AURKAIP1: variants seen among roughly 807,000 people sequenced by gnomAD.
AURKAIP1 encodes small ribosomal subunit protein bS22, mitochondrial.
In AURKAIP1, 20 loss-of-function variants were observed where a neutral mutation model predicts 18.4. The observed-to-expected ratio is 1.09, with a 90% CI of 0.77 to 1.58. AURKAIP1 has a LOEUF of 1.58. Among genes scored for constraint, AURKAIP1 ranks in the 40% most tolerant of loss-of-function variants. The pLI is 0.00. For missense variants in AURKAIP1, 319 were observed against 270.7 expected (o/e 1.18, Z -1.25); for synonymous variants, 156 against 120.8 (o/e 1.29, Z -1.91).
In AURKAIP1 at chr1:1,373,792, G is replaced by A. The variant is rs777921235; in HGVS notation, c.*9C>T. ...ACAGCAGCAACGGGCGGGAAGGGCG[G>A]CGCCAGACTCATTTGCCCCGCAGGT... On this transcript the variant is annotated 3_prime_UTR_variant, in exon 4 of 4. Transcript: ENST00000338338. The A allele has an allele frequency of 4.4e-6, 7 of 1,595,738 alleles. No homozygotes were observed. The East Asian group carries it at 1.3e-4, about 30-fold the overall frequency.
chr1:1,374,267 C>T lies in AURKAIP1; in HGVS notation c.231G>A (p.Trp77Ter). 1.2e-6 allele frequency: 2 copies of T among 1,604,936 alleles called. No individual in the cohort carries two copies. The highest frequency in any genetic ancestry group is 8.5e-7 in the Non-Finnish European group (1 of 1,177,160). ...RKMSVSPLESWLTARCFLPRL... is the reference protein window; with the variant it reads ...RKMSVSPLES ...TGGGCAGGAAGCAGCGGGCCGTGAG[C>T]CAGCTCTCCAGGGGGCTGACGGACA... The change falls in exon 3 of 4, where the codon TGG becomes TGA. Residue 77 changes from tryptophan to a stop codon, truncating the protein, a stop_gained. Transcript: ENST00000338338. LOFTEE classifies it high-confidence loss of function.
rs1231843531 is a variant in AURKAIP1 at position 1,374,069 on chromosome 1, G to A, written c.429C>T (p.Tyr143=). ...ACCGCGTCTTCTTCACCAGCTTCCG[G>A]TACTTGTGGTGGTTCATCTTCCGCC... ...IRRRKMNHHK[Y]RKLVKKTRFL... is the part of the protein sequence containing the mutation. The change falls in exon 3 of 4, where the codon TAC becomes TAT. Residue 143 remains tyrosine (Y), a synonymous_variant. Transcript: ENST00000338338. 1 of 1,609,690 alleles carries A rather than the reference G, an allele frequency of 6.2e-7. No individual in the cohort carries two copies.
intron 1 of AURKAIP1, 137 bp from the exon 2 acceptor site, chr1:1,374,927 T>C: frequency 1.7e-6 from 1 of 602,880 alleles, no homozygotes; most frequent in Non-Finnish European, 2.8e-6. Flanking sequence ...AGGAGGACTT[T>C]GCTTCCAACA....
chr1:1,374,186 C>A lies in AURKAIP1; in HGVS notation c.312G>T (p.Pro104=). The change falls in exon 3 of 4, where the codon CCG becomes CCT. Residue 104 remains proline (P), a synonymous_variant. Transcript: ENST00000338338. ...CGGCCCCTTCCCCTATCTGGCTGGG[C>A]GGACACTGGTAGGATTGCGGTGGAG... ...TVAPPQSYQC[P]PSQIGEGAEQ... 1.2e-6 allele frequency: 2 copies of A among 1,613,748 alleles called. No homozygotes were observed. The highest frequency in any genetic ancestry group is 8.5e-7 in the Non-Finnish European group (1 of 1,180,032).
In AURKAIP1 at chr1:1,374,156, C is replaced by G. The variant is rs767157865; in HGVS notation, c.342G>C (p.Gln114His). 7.4e-6 allele frequency: 12 copies of G among 1,613,886 alleles called. No individual in the cohort carries two copies. The highest frequency in any genetic ancestry group is 8.5e-6 in the Non-Finnish European group (10 of 1,180,050). ...PPSQIGEGAEQGDEGVADAPQ... is the reference protein window; with the variant it reads ...PPSQIGEGAEHGDEGVADAPQ... The stretch of plus-strand genomic sequence containing the variant: ...GCGCATCCGCGACGCCTTCATCCCC[C>G]TGCTCGGCCCCTTCCCCTATCTGGC... Residue 114 changes from glutamine to histidine, a missense_variant, in exon 3 of 4, where the codon CAG becomes CAC. Transcript: ENST00000338338.
At chr1:1,374,563 C>G (rs1291606050) in intron 2 of AURKAIP1, 118 bp from the exon 3 acceptor site, 2 of 1,369,386 alleles carry the variant, frequency 1.5e-6, no homozygotes, top group Middle Eastern at 1.8e-4. Context: ...GCCTGAACCC[C>G]TGAGGTTCCC....
At position 1,374,190 on chromosome 1, in the gene AURKAIP1, C is replaced by T. The variant is rs1418987328; in HGVS notation, c.308G>A (p.Cys103Tyr). The change falls in exon 3 of 4, where the codon TGT (cysteine) becomes TAT (tyrosine). Residue 103 changes from cysteine (C) to tyrosine (Y), a missense_variant. Transcript: ENST00000338338. Reference sequence around the variant, plus strand: ...CCCTTCCCCTATCTGGCTGGGCGGACACTGGTAGGATTGCGGTGGAGCCAC... The same window carrying T: ...CCCTTCCCCTATCTGGCTGGGCGGATACTGGTAGGATTGCGGTGGAGCCAC... ...GTVAPPQSYQ[C>Y]PPSQIGEGAE... is the part of the protein sequence containing the mutation. The T allele has an allele frequency of 6.2e-7, 1 of 1,613,786 alleles. No homozygotes were observed.
chr1:1,374,309 C>G lies in AURKAIP1; in HGVS notation c.189G>C (p.Met63Ile), dbSNP rs1644325757. 4 of 1,585,476 alleles carry G rather than the reference C, an allele frequency of 2.5e-6. No homozygotes were observed. In the South Asian group the frequency reaches 4.5e-5, roughly 18 times the overall value. ...RKGAQLELEE[M>I]LVPRKMSVSP... ...TGACGGACATCTTCCTGGGGACCAG[C>G]ATCTCCTCCAGCTCCAGCTGGGCCC... Residue 63 changes from methionine (M) to isoleucine (I), a missense_variant, in exon 3 of 4, where the codon ATG (methionine) becomes ATC (isoleucine). Met to Ile is a conservative substitution (Grantham distance 10). Transcript: ENST00000338338.
At position 1,374,262 on chromosome 1, in the gene AURKAIP1, G is replaced by T. The variant is rs377520465; in HGVS notation, c.236C>A (p.Thr79Lys). ...MSVSPLESWLTARCFLPRLDT... is the reference protein window; with the variant it reads ...MSVSPLESWLKARCFLPRLDT... ...CAGTCTGGGCAGGAAGCAGCGGGCC[G>T]TGAGCCAGCTCTCCAGGGGGCTGAC... Residue 79 changes from threonine (T) to lysine (K), a missense_variant, in exon 3 of 4, where the codon ACG (threonine) becomes AAG (lysine). Thr to Lys is a moderately conservative substitution (Grantham distance 78). Transcript: ENST00000338338. 1.2e-6 allele frequency: 2 copies of T among 1,606,268 alleles called. No homozygotes were observed. The highest frequency in any genetic ancestry group is 4.5e-5 in the East Asian group (2 of 44,796).
rs1390170293 is a variant in AURKAIP1 at position 1,374,663 on chromosome 1, C to T, written c.52+42G>A. 3.2e-6 allele frequency: 5 copies of T among 1,541,392 alleles called. No individual in the cohort carries two copies. The African/African-American group carries it at 6.9e-5, about 21-fold the overall frequency. ...GAGCTGCTGAGACCCGCACTCCTAA[C>T]CAGGTGTGCATCCTCCCATCCGCCC... On this transcript the variant is annotated intron_variant, in intron 2 of 3. Coordinates refer to ENST00000338338, the MANE Select transcript of AURKAIP1 (RefSeq NM_017900.3).
Position 1,373,798 on chromosome 1 carries a change from G to T in AURKAIP1, c.*3C>A. ...GCAACGGGCGGGAAGGGCGGCGCCA[G>T]ACTCATTTGCCCCGCAGGTAGATCT... On this transcript the variant is annotated 3_prime_UTR_variant, in exon 4 of 4. Transcript: ENST00000338338. The T allele has an allele frequency of 6.3e-7, 1 of 1,597,324 alleles. No individual in the cohort carries two copies. Among genetic ancestry groups the T allele is most frequent in the South Asian group, 1.1e-5 (1 of 90,950 alleles).
rs535641485 is a variant in AURKAIP1 at position 1,374,008 on chromosome 1, G to C, written c.490C>G (p.Arg164Gly). The change falls in exon 3 of 4, where the codon CGC becomes GGC. Residue 164 changes from arginine to glycine, a missense_variant. Physicochemically the swap from Arg to Gly is moderately radical, Grantham distance 125. Coordinates refer to ENST00000338338, the MANE Select transcript of AURKAIP1 (RefSeq NM_017900.3). The part of the protein sequence containing the change: ...RRKVQEGRLR[R>G]KQIKFEKDLR... ...AGCAGGGGGCCACTCACCTGCTTGCGTCTCAGGCGTCCCTCCTGGACCTTC... is the reference window on the plus strand; with the variant it reads ...AGCAGGGGGCCACTCACCTGCTTGCCTCTCAGGCGTCCCTCCTGGACCTTC... 34 of 1,608,160 alleles carry C rather than the reference G, an allele frequency of 2.1e-5. No individual in the cohort carries two copies. The Middle Eastern group carries it at 6.6e-4, about 31-fold the overall frequency.
rs1198036717 is a variant in AURKAIP1 at position 1,373,770 on chromosome 1, GCAGCAA to G, written c.*25_*30del. ...TGAGAATTTATTACTACGGATCACA[GCAGCAA>G]CGGGCGGGAAGGGCGGCGCCAGACT... On this transcript the variant is annotated 3_prime_UTR_variant, in exon 4 of 4. Transcript: ENST00000338338. 2 of 1,571,218 alleles carry G rather than the reference GCAGCAA, an allele frequency of 1.3e-6. No individual in the cohort carries two copies. Among genetic ancestry groups the G allele is most frequent in the South Asian group, 2.2e-5 (2 of 90,190 alleles).
In AURKAIP1 at chr1:1,374,783, C is replaced by G; in HGVS notation, c.-27G>C. The G allele has an allele frequency of 6.5e-7, 1 of 1,550,102 alleles. No homozygotes were observed. The highest frequency in any genetic ancestry group is 2.4e-5 in the East Asian group (1 of 40,820). ...GTCTGTGGGCGGCGGCCACAGGTCC[C>G]AGGGGAGCTGGAACACAAGTGCCCG... On this transcript the variant is annotated 5_prime_UTR_variant, in exon 2 of 4. Transcript: ENST00000338338.
Position 1,374,386 on chromosome 1 carries a change from A to T in AURKAIP1, c.112T>A (p.Tyr38Asn). Residue 38 changes from tyrosine to asparagine, a missense_variant, in exon 3 of 4, where the codon TAC becomes AAC. Transcript: ENST00000338338. Reference sequence around the variant, plus strand: ...CCTGGGCCGGCCGGCGATGTGCTGTAAAGGGGCCCGCAGACCCGGCTGCCC... The same window carrying T: ...CCTGGGCCGGCCGGCGATGTGCTGTTAAGGGGCCCGCAGACCCGGCTGCCC... ...VLGSRVCGPL[Y>N]STSPAGPGRA... The T allele has an allele frequency of 2.0e-6, 3 of 1,490,584 alleles. No individual in the cohort carries two copies. The highest frequency in any genetic ancestry group is 2.7e-6 in the Non-Finnish European group (3 of 1,126,602). The allele number at this position is 1,490,584 out of a possible 1,614,324, so 92.3% of individuals were successfully genotyped here.
rs570806773 is a variant in AURKAIP1 at position 1,373,913 on chromosome 1, C to G, written c.499-11G>C. 1.1e-5 allele frequency: 17 copies of G among 1,609,096 alleles called. No homozygotes were observed. Among genetic ancestry groups the G allele is most frequent in the Admixed American group, 5.0e-5 (3 of 60,004 alleles). ...TTTCTCGAACTTGATCTGCAAGACG[C>G]AGAGAGAGGGACCGCCAAGTAATTC... On this transcript the variant is annotated splice_polypyrimidine_tract_variant and intron_variant, in intron 3 of 3. Coordinates refer to ENST00000338338, the MANE Select transcript of AURKAIP1 (RefSeq NM_017900.3).
At position 1,374,444 on chromosome 1, in the gene AURKAIP1, G is replaced by A. The variant is rs1352306769; in HGVS notation, c.54C>T (p.Gly18=). 4 of 1,444,372 alleles carry A rather than the reference G, an allele frequency of 2.8e-6. No homozygotes were observed. The East Asian group carries it at 9.9e-5, about 36-fold the overall frequency. 89.5% of individuals were successfully genotyped at this position (1,444,372 alleles called of 1,614,324 possible). A position where few individuals can be genotyped will look rare whatever the true frequency, so the allele number is the denominator to read the frequency against. Residue 18 remains glycine, a splice_region_variant and synonymous_variant, in exon 3 of 4, where the codon GGC becomes GGT. Transcript: ENST00000338338. ...CAGAGACGGGCCAAGGCGGGCGGCCGCCTGCAGAAAACCAGACGCCACGGT... is the reference window on the plus strand; with the variant it reads ...CAGAGACGGGCCAAGGCGGGCGGCCACCTGCAGAAAACCAGACGCCACGGT... The part of the protein sequence containing the change: ...SQLLRAVPWA[G]GRPPWPVSGV...
chr1:1,373,823 T>G lies in AURKAIP1; in HGVS notation c.578A>C (p.Lys193Thr). ...KEAPEGWQTP[K>T]IYLRGK is the part of the protein sequence containing the mutation. ...GACTCATTTGCCCCGCAGGTAGATC[T>G]TGGGGGTCTGCCAGCCTTCGGGGGC... The change falls in exon 4 of 4, where the codon AAG becomes ACG. Residue 193 changes from lysine to threonine, a missense_variant. Lys to Thr is a moderately conservative substitution (Grantham distance 78, BLOSUM62 -1). Coordinates refer to ENST00000338338, the MANE Select transcript of AURKAIP1 (RefSeq NM_017900.3). The G allele has an allele frequency of 6.2e-7, 1 of 1,601,974 alleles. No individual in the cohort carries two copies. Among genetic ancestry groups the G allele is most frequent in the East Asian group, 2.2e-5 (1 of 44,882 alleles).
intron 1 of AURKAIP1, 132 bp downstream of exon 1, chr1:1,375,022 G>A (rs1644335224): frequency 7.2e-6 from 3 of 418,210 alleles, no homozygotes; most frequent in East Asian, 4.6e-5. Flanking sequence ...CGGGGAGGCC[G>A]GCCCCCTCCC....
Sources: allele counts gnomAD v4.1 joint callset, GRCh38; gene constraint gnomAD v4.1.1; transcripts MANE v1.5; gene names NCBI Gene and HGNC (gene_info 2026-07-23, HGNC 2026-07-21).